Variants in RGS6 observed in about 807,000 individuals in gnomAD.
RGS6 encodes regulator of G-protein signaling 6.
RGS6 carries 30 observed loss-of-function variants against 78.5 expected under a neutral mutation model. The ratio of observed to expected loss-of-function variants is 0.38; its 90% CI spans 0.29 to 0.52. The LOEUF (loss-of-function observed/expected upper bound fraction) is 0.52, where lower values mean the gene tolerates loss of function less well. RGS6 is among the 20% of genes least tolerant of loss of function. The pLI, the probability that RGS6 is intolerant of heterozygous loss-of-function variation, is 0.85. For missense variants in RGS6, 495 were observed against 609.7 expected, an observed-to-expected ratio of 0.81 and a Z score of 1.98; for synonymous variants, 206 against 206.0, an observed-to-expected ratio of 1.00 and a Z score of 0.00.
At chr14:72,098,108 A>G (rs879442563) in intron 2 of RGS6, among the ~76,000 whole-genome samples, 11 of 152,134 alleles carry the variant, frequency 7.2e-5, no homozygotes, top group Non-Finnish European at 1.3e-4. Flanking sequence ...ATATCCTGAC[A>G]TAGCTGTGCT....
chr14:71,934,610 G>A (rs1169637654), intron 1 of RGS6, among the ~76,000 whole-genome samples: 1 of 152,146 alleles, frequency 6.6e-6, no homozygotes, highest in Non-Finnish European at 1.5e-5. Flanking sequence ...ATTTAAATGA[G>A]TCCATTTTAA....
At chr14:72,273,003 C>T (rs182706862) in intron 2 of RGS6, among the ~76,000 whole-genome samples, 3 of 152,216 alleles carry the variant, frequency 2.0e-5, no homozygotes, top group Non-Finnish European at 4.4e-5. Context: ...GTAATCCCAG[C>T]TACTTGGGAA....
intron 3 of RGS6, among the ~76,000 whole-genome samples, chr14:72,430,075 C>G (rs10129654): frequency 0.038 from 5,860 of 152,274 alleles, 314 homozygotes; most frequent in African/African-American, 0.12. Flanking sequence ...ATTAACCAGT[C>G]TCTGGCAGTT....
intron 2 of RGS6, among the ~76,000 whole-genome samples, chr14:72,331,496 A>G (rs2075024222): frequency 6.6e-6 from 1 of 152,186 alleles, no homozygotes; most frequent in African/African-American, 2.4e-5. Flanking sequence ...CCGGGAGTGC[A>G]GCGCAGAAAG....
In RGS6 at chr14:71,990,538, A is replaced by T. The variant is rs1350469181; in HGVS notation, c.84+25663A>T. ...GTACTGAAACAGCTCATTTTAAGCAAATTTTAAGTAGTGGAGAGGATCATT... is the reference window on the plus strand; with the variant it reads ...GTACTGAAACAGCTCATTTTAAGCATATTTTAAGTAGTGGAGAGGATCATT... On this transcript the variant is annotated intron_variant, in intron 2 of 17. Coordinates refer to ENST00000553525, the MANE Select transcript of RGS6 (RefSeq NM_001204424.2). 5 of 450,584 alleles carry T rather than the reference A, an allele frequency of 1.1e-5. No individual in the cohort carries two copies. The East Asian group carries it at 3.5e-4, about 31-fold the overall frequency. 27.9% of individuals were successfully genotyped at this position (450,584 alleles called of 1,614,324 possible).
chr14:72,048,689 AT>A (rs111722767), intron 2 of RGS6, among the ~76,000 whole-genome samples: 118 of 150,498 alleles, frequency 7.8e-4, no homozygotes, highest in Non-Finnish European at 1.3e-3. Flanking sequence ...CTTTTTGCAG[AT>A]TTTTTTTTTC....
chr14:72,277,493 A>G (rs1037382939), intron 2 of RGS6, among the ~76,000 whole-genome samples: 2 of 151,970 alleles, frequency 1.3e-5, no homozygotes, highest in Non-Finnish European at 2.9e-5. Flanking sequence ...TCTCCTCAGG[A>G]GGCTGAGGCA....
intron 2 of RGS6, among the ~76,000 whole-genome samples, chr14:71,979,370 G>C (rs1320215237): frequency 1.4e-5 from 2 of 147,016 alleles, no homozygotes; most frequent in African/African-American, 5.0e-5. Flanking sequence ...TGTCAATTTT[G>C]GATCTTTCCT....
chr14:72,432,066 C>T (rs1005372478), intron 3 of RGS6, among the ~76,000 whole-genome samples: 7 of 152,202 alleles, frequency 4.6e-5, no homozygotes, highest in African/African-American at 1.7e-4. Context: ...ACAGTAGAAG[C>T]TAGAAATCTT....
At chr14:71,920,457 G>T in the RGS6 span, among the ~76,000 whole-genome samples, 55 of 152,342 alleles carry the variant, frequency 3.6e-4, no homozygotes, top group Middle Eastern at 3.4e-3. Flanking sequence ...GAGGGCTGAT[G>T]GTTGAGTGTA....
intron 2 of RGS6, among the ~76,000 whole-genome samples, chr14:72,053,067 C>CCCTT (rs2093408161): frequency 4.4e-5 from 1 of 22,610 alleles, no homozygotes; most frequent in Admixed American, 6.6e-4. Context: ...CTCCCTCCCT[C>CCCTT]CCTCCCTCCC....
chr14:72,549,953 T>C (rs752323962), intron 17 of RGS6, among the ~76,000 whole-genome samples: 5 of 152,180 alleles, frequency 3.3e-5, no homozygotes, highest in Non-Finnish European at 5.9e-5. Context: ...CCAGGGGGAC[T>C]TGTCCTCAGC....
chr14:72,513,064 G>T (rs2096898208), intron 14 of RGS6, among the ~76,000 whole-genome samples: 2 of 152,192 alleles, frequency 1.3e-5, no homozygotes, highest in South Asian at 4.1e-4. Context: ...CCAGGCCACT[G>T]GCATTGGAGC....
intron 3 of RGS6, among the ~76,000 whole-genome samples, chr14:72,435,144 A>G (rs2094842209): frequency 6.6e-6 from 1 of 152,194 alleles, no homozygotes; most frequent in Non-Finnish European, 1.5e-5. Flanking sequence ...CCCTAAACGT[A>G]ATTGGAATCC....
intron 2 of RGS6, among the ~76,000 whole-genome samples, chr14:72,267,219 A>G (rs1276587612): frequency 1.3e-5 from 2 of 152,184 alleles, no homozygotes; most frequent in East Asian, 1.9e-4. Context: ...CCAAAGTGCT[A>G]TGATTATAGG....
chr14:72,368,426 T>C (rs1036684242), intron 3 of RGS6, among the ~76,000 whole-genome samples: 2 of 152,184 alleles, frequency 1.3e-5, no homozygotes, highest in African/African-American at 4.8e-5. Context: ...TAATTAAATT[T>C]CAAGATGAGT....
chr14:72,081,232 G>T (rs1017091889), intron 2 of RGS6, among the ~76,000 whole-genome samples: 1 of 152,012 alleles, frequency 6.6e-6, no homozygotes, highest in African/African-American at 2.4e-5. Context: ...TCAATTCCTG[G>T]TTAAATTTAC....
intron 2 of RGS6, among the ~76,000 whole-genome samples, chr14:72,257,446 CT>C (rs1183023296): frequency 1.3e-5 from 2 of 152,072 alleles, no homozygotes; most frequent in Non-Finnish European, 2.9e-5. Flanking sequence ...TTGCAGGAAT[CT>C]TTTGGGTTTC....
chr14:72,031,479 G>A (rs1419394549), intron 2 of RGS6, among the ~76,000 whole-genome samples: 2 of 152,024 alleles, frequency 1.3e-5, no homozygotes, highest in African/African-American at 4.8e-5. Context: ...CTATTTAGAT[G>A]CTTGTGGTAA....
Sources: allele counts gnomAD v4.1 joint callset (sites outside exome capture counted in the v4.1 genomes callset), GRCh38; gene constraint gnomAD v4.1.1; transcripts MANE v1.5; gene names NCBI Gene and HGNC (gene_info 2026-07-23, HGNC 2026-07-21).